Variants in CORIN observed in about 807,000 individuals in gnomAD.
CORIN encodes the protein atrial natriuretic peptide-converting enzyme.
In CORIN, 117 loss-of-function variants were observed where a neutral mutation model predicts 125.3. The observed-to-expected ratio is 0.93, with a 90% CI of 0.80 to 1.09. The LOEUF (loss-of-function observed/expected upper bound fraction) is 1.09. Among genes scored for constraint, CORIN ranks in the 50% least tolerant of loss-of-function variants. The pLI is 0.00. For missense variants in CORIN, 1,253 were observed against 1,306.7 expected (o/e 0.96, Z 0.63); for synonymous variants, 450 against 466.4 (o/e 0.96, Z 0.45).
At chr4:47,678,089 T>C (rs747433151) in intron 8 of CORIN, 35 bp from the exon 9 acceptor site, 5 of 1,412,848 alleles carry the variant, frequency 3.5e-6, no homozygotes, top group Non-Finnish European at 5.0e-6. Context: ...ACTTTATTTA[T>C]TAATTCTTCT....
intron 12 of CORIN, among the ~76,000 whole-genome samples, chr4:47,660,997 T>C (rs1179485200): frequency 6.6e-6 from 1 of 152,150 alleles, no homozygotes; most frequent in Non-Finnish European, 1.5e-5. Context: ...TATTCAGCCT[T>C]AAAAAAGAAT....
chr4:47,677,870 G>T, intron 9 of CORIN, 68 bp downstream of exon 9: 1 of 1,115,796 alleles, frequency 9.0e-7, no homozygotes, highest in Non-Finnish European at 1.4e-6. Context: ...AACTTCAAAT[G>T]TGTTCCTTTG....
chr4:47,638,616 C>T (rs905836172), intron 16 of CORIN, among the ~76,000 whole-genome samples: 6 of 152,144 alleles, frequency 3.9e-5, no homozygotes, highest in South Asian at 2.1e-4. Flanking sequence ...CCACCATACA[C>T]GTGAGATGTG....
intron 16 of CORIN, among the ~76,000 whole-genome samples, chr4:47,637,851 A>T (rs1723088417): frequency 6.6e-6 from 1 of 152,196 alleles, no homozygotes; most frequent in Non-Finnish European, 1.5e-5. Flanking sequence ...TGGAGCTGTG[A>T]GAAGAGGGCC....
intron 20 of CORIN, among the ~76,000 whole-genome samples, chr4:47,600,656 C>G (rs957022896): frequency 2.0e-5 from 3 of 152,100 alleles, no homozygotes; most frequent in Non-Finnish European, 4.4e-5. Flanking sequence ...ATAGCTACTA[C>G]AAAGAAAAGA....
At chr4:47,796,531 G>A (rs558115378) in intron 2 of CORIN, among the ~76,000 whole-genome samples, 6 of 152,070 alleles carry the variant, frequency 3.9e-5, no homozygotes, top group African/African-American at 1.4e-4. Context: ...ATACTTCTTT[G>A]GGTACTTAAA....
At chr4:47,614,103 A>C (rs2109533299) in intron 19 of CORIN, among the ~76,000 whole-genome samples, 1 of 152,306 alleles carries the variant, frequency 6.6e-6, no homozygotes, top group Admixed American at 6.5e-5. Context: ...AAAGAGGAAA[A>C]TTGTTGTCTG....
chr4:47,704,935 C>T (rs1036647804), intron 5 of CORIN, among the ~76,000 whole-genome samples: 9 of 152,156 alleles, frequency 5.9e-5, no homozygotes, highest in Non-Finnish European at 4.4e-5. Context: ...CGCTGTGAGG[C>T]ACACACAGGG....
chr4:47,611,503 T>C (rs932935084), intron 19 of CORIN, among the ~76,000 whole-genome samples: 4 of 152,344 alleles, frequency 2.6e-5, no homozygotes, highest in East Asian at 3.9e-4. Context: ...GTCAAGACAA[T>C]GGGGTTTTCT....
intron 15 of CORIN, 152 bp from the exon 16 acceptor site, chr4:47,642,201 G>A: frequency 1.4e-6 from 1 of 713,028 alleles, no homozygotes; most frequent in South Asian, 2.1e-5. Flanking sequence ...GCAAATCACT[G>A]CCTTCAGTGT....
At chr4:47,692,735 T>G (rs1204542367) in intron 6 of CORIN, among the ~76,000 whole-genome samples, 1 of 152,204 alleles carries the variant, frequency 6.6e-6, no homozygotes, top group African/African-American at 2.4e-5. Flanking sequence ...TAAACCACTT[T>G]GTGCAAAAAC....
chr4:47,639,862 G>A lies in CORIN; in HGVS notation c.2198+2058C>T, dbSNP rs115522667. 9.3e-3 allele frequency among the ~76,000 whole-genome samples: 1,416 copies of A among 152,228 alleles called. 25 individuals carry two copies. Among genetic ancestry groups the A allele is most frequent in the African/African-American group, 0.032 (1,337 of 41,524 alleles). On this transcript the variant is annotated intron_variant, in intron 16 of 21. Coordinates refer to ENST00000273857, the MANE Select transcript of CORIN (RefSeq NM_006587.4). ...CATCTTGACCATTACCATCATTCCC[G>A]GCATAGCCTGGCTCTCCAGATTTCT...
chr4:47,642,013 A>C lies in CORIN; in HGVS notation c.2105T>G (p.Leu702Arg). Residue 702 changes from leucine (L) to arginine (R), a missense_variant, in exon 16 of 22, where the codon CTG becomes CGG. Leu to Arg is a moderately radical substitution (Grantham distance 102, BLOSUM62 -2). Transcript: ENST00000273857. ...TTCTGTGGCAGCTCTGTGAACCATC[A>C]GAAAGGAAGAGGAGTTCACATTTAT... ...LSINVNSSSF[L>R]MVHRAATEHH... The C allele has an allele frequency of 1.9e-6, 3 of 1,613,504 alleles. No individual in the cohort carries two copies. The highest frequency in any genetic ancestry group is 2.5e-6 in the Non-Finnish European group (3 of 1,179,590).
intron 19 of CORIN, among the ~76,000 whole-genome samples, chr4:47,618,814 T>C (rs1002951865): frequency 3.7e-5 from 5 of 136,018 alleles, no homozygotes; most frequent in African/African-American, 1.3e-4. Flanking sequence ...CGAGACTCTG[T>C]CTCACAAAAA....
chr4:47,611,000 T>C (rs539643252), intron 19 of CORIN, among the ~76,000 whole-genome samples: 1 of 152,350 alleles, frequency 6.6e-6, no homozygotes, highest in South Asian at 2.1e-4. Flanking sequence ...TACTGTAGTC[T>C]TGTAGTATAG....
chr4:47,605,571 G>A (rs1238916614), intron 19 of CORIN, among the ~76,000 whole-genome samples: 1 of 152,162 alleles, frequency 6.6e-6, no homozygotes, highest in Non-Finnish European at 1.5e-5. Flanking sequence ...CTCTGGTAAT[G>A]TGAGTCAGCC....
At chr4:47,657,474 G>A (rs898117881) in intron 12 of CORIN, among the ~76,000 whole-genome samples, 3 of 148,886 alleles carry the variant, frequency 2.0e-5, no homozygotes, top group African/African-American at 7.4e-5. Flanking sequence ...GGTGGAGCTT[G>A]CAGTGAGCGG....
chr4:47,729,877 C>T (rs920753923), intron 5 of CORIN, among the ~76,000 whole-genome samples: 1 of 152,240 alleles, frequency 6.6e-6, no homozygotes, highest in South Asian at 2.1e-4. Flanking sequence ...GAGAGAGGTT[C>T]GGCCACAGAG....
At chr4:47,786,960 C>A (rs746493953) in intron 2 of CORIN, 35 bp from the exon 3 acceptor site, 37 of 1,413,730 alleles carry the variant, frequency 2.6e-5, no homozygotes, top group Non-Finnish European at 3.0e-6. Flanking sequence ...AAAAACCTAT[C>A]TTTGAAACAT....
Sources: gnomAD v4.1 joint callset for allele counts (sites outside exome capture counted in the v4.1 genomes callset) on GRCh38, gnomAD v4.1.1 for gene constraint, MANE v1.5 for transcripts, NCBI Gene and HGNC (gene_info 2026-07-23, HGNC 2026-07-21) for gene names.